Variants in ESRRB observed in about 807,000 individuals in gnomAD.
The protein encoded by ESRRB is estrogen related receptor beta, also known as steroid hormone receptor ERR2.
Under a neutral mutation model 46.0 loss-of-function variants are expected in ESRRB, and 16 were observed. The ratio of observed to expected loss-of-function variants is 0.35; its 90% CI spans 0.24 to 0.53. The LOEUF (loss-of-function observed/expected upper bound fraction) is 0.53, where lower values mean the gene tolerates loss of function less well. ESRRB is among the 20% of genes least tolerant of loss of function. The pLI, the probability that ESRRB is intolerant of heterozygous loss-of-function variation, is 0.93. For synonymous variants in ESRRB, 246 were observed against 259.6 expected (o/e 0.95, Z 0.50); for missense variants, 488 against 607.4 (o/e 0.80, Z 2.07).
At chr14:76,405,770 G>T (rs372907650) in intron 1 of ESRRB, among the ~76,000 whole-genome samples, 1 of 151,764 alleles carries the variant, frequency 6.6e-6, no homozygotes, top group East Asian at 1.9e-4. Context: ...AAAAGGTGTG[G>T]TGGCATGCAC....
chr14:76,500,593 G>A lies in ESRRB; in HGVS notation c.*2135G>A, dbSNP rs946092027. 62 of 1,172,780 alleles carry A rather than the reference G, an allele frequency of 5.3e-5. No individual in the cohort carries two copies. The highest frequency in any genetic ancestry group is 9.0e-5 in the African/African-American group (6 of 66,430). 72.6% of individuals were successfully genotyped at this position (1,172,780 alleles called of 1,614,324 possible). On this transcript the variant is annotated 3_prime_UTR_variant, in exon 7 of 7. Transcript: ENST00000644823. ...TCTCACTGTGCTGTGTCCTTGCAGC[G>A]GGGCCGAGGTAGCACCCTGCTCTGT...
intron 2 of ESRRB, among the ~76,000 whole-genome samples, chr14:76,457,273 A>C (rs1888652059): frequency 6.6e-6 from 1 of 152,004 alleles, no homozygotes; most frequent in Non-Finnish European, 1.5e-5. Flanking sequence ...CCGGAGGCAG[A>C]CCTTAATGTT....
intron 1 of ESRRB, among the ~76,000 whole-genome samples, chr14:76,330,310 A>G (rs1021252843): frequency 2.0e-5 from 3 of 151,656 alleles, no homozygotes; most frequent in Non-Finnish European, 1.5e-5. Flanking sequence ...AATCCCACGA[A>G]CTCCTGGACC....
At chr14:76,454,312 G>A (rs1043307936) in intron 2 of ESRRB, among the ~76,000 whole-genome samples, 1 of 152,284 alleles carries the variant, frequency 6.6e-6, no homozygotes, top group East Asian at 1.9e-4. Flanking sequence ...TTGAGATACT[G>A]TACTTGAGAT....
chr14:76,414,077 CCGCCCCTGCACCATCCCT>C (rs2139869625), intron 1 of ESRRB, among the ~76,000 whole-genome samples: 1 of 24,180 alleles, frequency 4.1e-5, no homozygotes, highest in East Asian at 9.2e-4. Context: ...GCACCGTCCG[CCGCCCCTGCACCATCCCT>C]CGCCCCTGCA....
chr14:76,460,835 G>A (rs1566598094), intron 2 of ESRRB, among the ~76,000 whole-genome samples: 1 of 151,762 alleles, frequency 6.6e-6, no homozygotes, highest in African/African-American at 2.4e-5. Flanking sequence ...CCGAGTAGCT[G>A]TGATTATAGG....
chr14:76,457,314 G>A (rs1275718072), intron 2 of ESRRB, among the ~76,000 whole-genome samples: 1 of 152,142 alleles, frequency 6.6e-6, no homozygotes, highest in African/African-American at 2.4e-5. Flanking sequence ...GCTAGCCTCG[G>A]ATCCAACACC....
upstream of ESRRB, among the ~76,000 whole-genome samples, chr14:76,372,165 G>T (rs1045474056): frequency 1.3e-5 from 2 of 152,156 alleles, no homozygotes; most frequent in African/African-American, 4.8e-5. Context: ...AGGCAGGCTG[G>T]GGTGGGAAAG....
chr14:76,418,181 C>T (rs1401348660), intron 1 of ESRRB, among the ~76,000 whole-genome samples: 1 of 152,064 alleles, frequency 6.6e-6, no homozygotes, highest in African/African-American at 2.4e-5. Flanking sequence ...TCTTGAACCC[C>T]TGACCTCAGG....
chr14:76,413,919 C>T (rs1318235493), intron 1 of ESRRB, among the ~76,000 whole-genome samples: 2 of 107,424 alleles, frequency 1.9e-5, no homozygotes, highest in Non-Finnish European at 1.9e-5. Flanking sequence ...CACCGTCTCC[C>T]GCCCCTGCAC....
At chr14:76,474,960 G>C (rs1241616514) in intron 3 of ESRRB, among the ~76,000 whole-genome samples, 5 of 151,790 alleles carry the variant, frequency 3.3e-5, no homozygotes, top group African/African-American at 1.2e-4. Context: ...CAGGCACAGT[G>C]GTTCATACCT....
chr14:76,478,959 A>G (rs1273204750), intron 3 of ESRRB, among the ~76,000 whole-genome samples: 1 of 152,184 alleles, frequency 6.6e-6, no homozygotes. Flanking sequence ...GCTGGATGGC[A>G]TCTAGCTGTC....
intron 1 of ESRRB, among the ~76,000 whole-genome samples, chr14:76,334,452 T>G (rs1884102305): frequency 6.6e-6 from 1 of 152,190 alleles, no homozygotes. Context: ...TGTTGCAGCC[T>G]CGCGCTCACA....
At chr14:76,328,885 A>T (rs1883969443) in intron 1 of ESRRB, among the ~76,000 whole-genome samples, 1 of 152,152 alleles carries the variant, frequency 6.6e-6, no homozygotes, top group Non-Finnish European at 1.5e-5. Flanking sequence ...GGCAGGAACT[A>T]TGTTGCAAAT....
Position 76,376,474 on chromosome 14 carries a change from T to C in ESRRB, c.50+23T>C. The C allele has an allele frequency of 8.1e-7, 1 of 1,230,758 alleles. No homozygotes were observed. The highest frequency in any genetic ancestry group is 1.0e-6 in the Non-Finnish European group (1 of 987,050). The allele number at this position is 1,230,758 out of a possible 1,614,324, so 76.2% of individuals were successfully genotyped here. A position where few individuals can be genotyped will look rare whatever the true frequency, so the allele number is the denominator to read the frequency against. Reference sequence around the variant, plus strand: ...CCAGTAGGTGCCCTGCTTCTCGGTCTGTCTGTCCTTCTGCCCGTCTGGCAG... The same window carrying C: ...CCAGTAGGTGCCCTGCTTCTCGGTCCGTCTGTCCTTCTGCCCGTCTGGCAG... On this transcript the variant is annotated intron_variant, in intron 1 of 6. Coordinates refer to ENST00000644823, the MANE Select transcript of ESRRB (RefSeq NM_001379180.1). The surrounding 1 kb of genome is among the most constrained non-coding windows in gnomAD (Gnocchi z 4.1).
At chr14:76,485,271 C>T (rs573993690) in intron 5 of ESRRB, among the ~76,000 whole-genome samples, 3 of 140,288 alleles carry the variant, frequency 2.1e-5, no homozygotes, top group Non-Finnish European at 3.0e-5. Flanking sequence ...ATGGAGTCTC[C>T]GCTCTCTTGC....
chr14:76,312,902 A>T (rs2139718671), intron 1 of ESRRB, among the ~76,000 whole-genome samples: 1 of 152,266 alleles, frequency 6.6e-6, no homozygotes, highest in African/African-American at 2.4e-5. Flanking sequence ...GTACAAGAAC[A>T]AATTCTACCT....
At chr14:76,415,914 G>C (rs959322081) in intron 1 of ESRRB, among the ~76,000 whole-genome samples, 6 of 152,164 alleles carry the variant, frequency 3.9e-5, no homozygotes, top group Non-Finnish European at 8.8e-5. Flanking sequence ...AGGATAAGTG[G>C]CTTGCCTACA....
chr14:76,428,778 A>AT (rs1887307861), intron 1 of ESRRB, among the ~76,000 whole-genome samples: 1 of 152,158 alleles, frequency 6.6e-6, no homozygotes, highest in Non-Finnish European at 1.5e-5. Flanking sequence ...AAAATCATGG[A>AT]TAAAAAGCCC....
Sources: allele counts gnomAD v4.1 joint callset (sites outside exome capture counted in the v4.1 genomes callset), GRCh38; gene constraint gnomAD v4.1.1; non-coding constraint Gnocchi (gnomAD v3.1); transcripts MANE v1.5; gene names NCBI Gene and HGNC (gene_info 2026-07-23, HGNC 2026-07-21).